RMND5B: variants seen among roughly 807,000 people sequenced by gnomAD.
The protein encoded by RMND5B is E3 ubiquitin-protein transferase RMND5B.
A neutral mutation model predicts 50.4 loss-of-function variants in RMND5B; 42 were observed. The ratio of observed to expected loss-of-function variants is 0.83; its 90% CI spans 0.65 to 1.08. The LOEUF is 1.08. Ranked by LOEUF, RMND5B falls within the 50% of genes least tolerant of loss-of-function variation. The pLI is 0.00. For synonymous variants in RMND5B, 220 were observed against 210.0 expected, an observed-to-expected ratio of 1.05 and a Z score of -0.41; for missense variants, 463 against 508.5, an observed-to-expected ratio of 0.91 and a Z score of 0.86.
In RMND5B at chr5:178,146,247, G is replaced by T. The variant is rs73804715; in HGVS notation, c.828G>T (p.Leu276=). The change falls in exon 8 of 11, where the codon CTG becomes CTT. Residue 276 remains leucine, a synonymous_variant. Transcript: ENST00000313386. The part of the protein sequence containing the change: ...ETFTRDACSL[L]GLSVESPLSV... ...TTACCCGGGACGCCTGTTCCCTGCTGGGGCTTTCTGTGGAGTCCCCCCTTA... is the reference window on the plus strand; with the variant it reads ...TTACCCGGGACGCCTGTTCCCTGCTTGGGCTTTCTGTGGAGTCCCCCCTTA... 1,726 of 1,614,166 alleles carry T rather than the reference G, an allele frequency of 1.1e-3. 11 individuals are homozygous for T. In the African/African-American group the frequency reaches 0.021, roughly 19 times the overall value.
chr5:178,138,509 C>G lies in RMND5B; in HGVS notation c.139+251C>G. 1 of 760,576 alleles carries G rather than the reference C, an allele frequency of 1.3e-6. No homozygotes were observed. The highest frequency in any genetic ancestry group is 1.8e-6 in the Non-Finnish European group (1 of 555,174). 47.1% of individuals were successfully genotyped at this position (760,576 alleles called of 1,614,324 possible). Reference sequence around the variant, plus strand: ...TACTTTTCTATTTTTAACTTTTTTTCATTTTATAATTGTGTGTGTGTGTGT... The same window carrying G: ...TACTTTTCTATTTTTAACTTTTTTTGATTTTATAATTGTGTGTGTGTGTGT... On this transcript the variant is annotated intron_variant, in intron 3 of 10. Coordinates refer to ENST00000313386, the MANE Select transcript of RMND5B (RefSeq NM_022762.5). This position sits in a 1 kb window ranked among gnomAD's most constrained non-coding sequence, Gnocchi z 5.1.
chr5:178,142,835 C>G lies in RMND5B; in HGVS notation c.286-17C>G. On this transcript the variant is annotated splice_polypyrimidine_tract_variant and intron_variant, in intron 4 of 10. Coordinates refer to ENST00000313386, the MANE Select transcript of RMND5B (RefSeq NM_022762.5). The stretch of plus-strand genomic sequence containing the variant: ...GAGTGCCCGCATCACCAGGCCCTGT[C>G]TCTCCTCCTTCGTCAGAACTTCGAC... The G allele has an allele frequency of 6.2e-7, 1 of 1,614,240 alleles. No individual in the cohort carries two copies. The highest frequency in any genetic ancestry group is 8.5e-7 in the Non-Finnish European group (1 of 1,180,044).
chr5:178,145,992 C>G (rs1450671254), intron 7 of RMND5B, 122 bp from the exon 8 acceptor site: 2 of 1,007,298 alleles, frequency 2.0e-6, no homozygotes, highest in Admixed American at 2.7e-5. Flanking sequence ...GCTCAGTCTC[C>G]TCAGGGGCTT....
Position 178,138,053 on chromosome 5 carries a change from T to A in RMND5B, c.-12-55T>A. On this transcript the variant is annotated intron_variant, in intron 2 of 10. Coordinates refer to ENST00000313386, the MANE Select transcript of RMND5B (RefSeq NM_022762.5). This position sits in a 1 kb window ranked among gnomAD's most constrained non-coding sequence, Gnocchi z 5.1. ...ATCTGAAGAGGTGGTCTGGGCACCCTGCCTGCCATGCCACCGTGGCCCAGA... is the reference window on the plus strand; with the variant it reads ...ATCTGAAGAGGTGGTCTGGGCACCCAGCCTGCCATGCCACCGTGGCCCAGA... The A allele has an allele frequency of 6.6e-7, 1 of 1,514,526 alleles. No homozygotes were observed. The highest frequency in any genetic ancestry group is 8.9e-7 in the Non-Finnish European group (1 of 1,125,290). 93.8% of individuals were successfully genotyped at this position (1,514,526 alleles called of 1,614,324 possible).
At chr5:178,145,607 G>A (rs1332893537) in intron 7 of RMND5B, among the ~76,000 whole-genome samples, 1 of 151,950 alleles carries the variant, frequency 6.6e-6, no homozygotes, top group East Asian at 1.9e-4. Flanking sequence ...GTTTCACCAT[G>A]TTGGCCAGGC....
intron 3 of RMND5B, among the ~76,000 whole-genome samples, chr5:178,139,710 A>ATTT (rs113719288): frequency 3.1e-5 from 4 of 129,898 alleles, no homozygotes; most frequent in African/African-American, 8.8e-5. Context: ...TGCCTGGCTA[A>ATTT]TTTTTTTTTT....
At chr5:178,134,991 A>AG in intron 2 of RMND5B, among the ~76,000 whole-genome samples, 1 of 151,328 alleles carries the variant, frequency 6.6e-6, no homozygotes, top group East Asian at 1.9e-4. Context: ...AAAAAAAAAA[A>AG]ATTACTGAGT....
chr5:178,138,016 A>G lies in RMND5B; in HGVS notation c.-12-92A>G. The G allele has an allele frequency of 1.9e-6, 2 of 1,080,024 alleles. No individual in the cohort carries two copies. The highest frequency in any genetic ancestry group is 2.7e-5 in the Admixed American group (1 of 36,488). 66.9% of individuals were successfully genotyped at this position (1,080,024 alleles called of 1,614,324 possible). A position where few individuals can be genotyped will look rare whatever the true frequency, so the allele number is the denominator to read the frequency against. On this transcript the variant is annotated intron_variant, in intron 2 of 10. Coordinates refer to ENST00000313386, the MANE Select transcript of RMND5B (RefSeq NM_022762.5). The surrounding 1 kb of genome is among the most constrained non-coding windows in gnomAD (Gnocchi z 5.1). ...TATAACATTGATACATGATGTGGGA[A>G]TGGTGAGAGGGATCTGAAGAGGTGG...
At position 178,143,972 on chromosome 5, in the gene RMND5B, G is replaced by A; in HGVS notation, c.558G>A (p.Leu186=). The change falls in exon 7 of 11, where the codon CTG becomes CTA. Residue 186 remains leucine (L), a synonymous_variant. Coordinates refer to ENST00000313386, the MANE Select transcript of RMND5B (RefSeq NM_022762.5). ...EWAVSHRQRL[L]ELNSSLEFKL... is the part of the protein sequence containing the mutation. ...CCGTCTCCCACAGGCAGCGCCTGCT[G>A]GAACTCAACAGCTCCCTGGAGTTCA... 1 of 1,614,234 alleles carries A rather than the reference G, an allele frequency of 6.2e-7. No individual in the cohort carries two copies. The highest frequency in any genetic ancestry group is 8.5e-7 in the Non-Finnish European group (1 of 1,180,034).
chr5:178,142,751 G>T, intron 4 of RMND5B, 23 bp downstream of exon 4: 2 of 1,614,266 alleles, frequency 1.2e-6, no homozygotes, highest in Non-Finnish European at 1.7e-6. Flanking sequence ...CCGGCTCCAG[G>T]CGTGGGGTGG....
rs570661601 is a variant in RMND5B, at chr5:178,149,949, C to A, written c.*1917C>A. The A allele has an allele frequency of 1.7e-6, 2 of 1,187,344 alleles. No homozygotes were observed. Among genetic ancestry groups the A allele is most frequent in the African/African-American group, 1.5e-5 (1 of 65,704 alleles). 73.6% of individuals were successfully genotyped at this position (1,187,344 alleles called of 1,614,324 possible). On this transcript the variant is annotated 3_prime_UTR_variant, in exon 11 of 11. Transcript: ENST00000313386. ...ATCTGGCCCACAACCATGTTCTGTTCGGTCCATGTTCTATTTAAAAGCATC... is the reference window on the plus strand; with the variant it reads ...ATCTGGCCCACAACCATGTTCTGTTAGGTCCATGTTCTATTTAAAAGCATC...
Position 178,134,123 on chromosome 5 carries a change from A to G in RMND5B, c.-13+2747A>G, listed in dbSNP as rs75871828. ...CAGCCATCGAGCAGCTCACAGACCA[A>G]TGGAGGAGGCTGACGTGGACAGGCT... On this transcript the variant is annotated intron_variant, in intron 2 of 10. Coordinates refer to ENST00000313386, the MANE Select transcript of RMND5B (RefSeq NM_022762.5). 6.7e-3 allele frequency among the ~76,000 whole-genome samples: 1,018 copies of G among 152,280 alleles called. 17 individuals carry two copies. Among genetic ancestry groups the G allele is most frequent in the African/African-American group, 0.023 (967 of 41,572 alleles).
rs1199291412 is a variant in RMND5B, at chr5:178,138,308, G to T, written c.139+50G>T. 1.3e-6 allele frequency: 2 copies of T among 1,597,750 alleles called. No homozygotes were observed. Among genetic ancestry groups the T allele is most frequent in the Non-Finnish European group, 8.5e-7 (1 of 1,171,918 alleles). The stretch of plus-strand genomic sequence containing the variant: ...CCTGCGACAGCCTCCCTGAGGACAT[G>T]GGAGACCCGAAGCTACTGAGTGACA... On this transcript the variant is annotated intron_variant, in intron 3 of 10. Transcript: ENST00000313386. The surrounding 1 kb of genome is among the most constrained non-coding windows in gnomAD (Gnocchi z 5.1).
chr5:178,138,405 A>G lies in RMND5B; in HGVS notation c.139+147A>G. 7.1e-7 allele frequency: 1 copy of G among 1,415,768 alleles called. No individual in the cohort carries two copies. The allele number at this position is 1,415,768 out of a possible 1,614,324, so 87.7% of individuals were successfully genotyped here. A position where few individuals can be genotyped will look rare whatever the true frequency, so the allele number is the denominator to read the frequency against. ...GGCCTCCTTGAAACCGGGTAATGAC[A>G]GTCTCTGAGCTACTTCAAAAAGCCC... On this transcript the variant is annotated intron_variant, in intron 3 of 10. Transcript: ENST00000313386. This position sits in a 1 kb window ranked among gnomAD's most constrained non-coding sequence, Gnocchi z 5.1.
chr5:178,146,010 A>G (rs113996248), intron 7 of RMND5B, 104 bp from the exon 8 acceptor site: 29,820 of 1,221,538 alleles, frequency 0.024, 406 homozygotes, highest in Middle Eastern at 0.053. Flanking sequence ...CTTGGGAGCC[A>G]CCGGGCTCAG....
intron 2 of RMND5B, chr5:178,136,000 A>C (rs971502487): frequency 1.3e-5 from 2 of 152,014 alleles, no homozygotes; most frequent in African/African-American, 2.4e-5. Flanking sequence ...CAACACAGAT[A>C]TTTGCTCTTT....
chr5:178,144,964 C>G (rs1463725137), intron 7 of RMND5B, among the ~76,000 whole-genome samples: 1 of 152,172 alleles, frequency 6.6e-6, no homozygotes, highest in Non-Finnish European at 1.5e-5. Context: ...AAGTAGTAAC[C>G]TGTACTAACT....
At chr5:178,142,531 G>C in intron 3 of RMND5B, 52 bp from the exon 4 acceptor site, 1 of 1,566,128 alleles carries the variant, frequency 6.4e-7, no homozygotes, top group Middle Eastern at 1.7e-4. Flanking sequence ...CTGCTGCCAA[G>C]GCAGGTGCCC....
In RMND5B at chr5:178,139,241, G is replaced by A. The variant is rs558159163; in HGVS notation, c.139+983G>A. On this transcript the variant is annotated intron_variant, in intron 3 of 10. Transcript: ENST00000313386. ...TTTTTTTTTGAGATGGAGTCTTACTGTTGCTCAGGCTGGAGTGCAGTGGCG... is the reference window on the plus strand; with the variant it reads ...TTTTTTTTTGAGATGGAGTCTTACTATTGCTCAGGCTGGAGTGCAGTGGCG... Among the ~76,000 whole-genome samples, 10 of 146,910 alleles carry A rather than the reference G, an allele frequency of 6.8e-5. No homozygotes were observed. In the South Asian group the frequency reaches 2.1e-3, roughly 32 times the overall value.
Sources: allele counts gnomAD v4.1 joint callset (sites outside exome capture counted in the v4.1 genomes callset), GRCh38; gene constraint gnomAD v4.1.1; non-coding constraint Gnocchi (gnomAD v3.1); transcripts MANE v1.5; gene names NCBI Gene and HGNC (gene_info 2026-07-23, HGNC 2026-07-21).